Variants in MAD1L1 observed in about 807,000 individuals in gnomAD.
MAD1L1 encodes the protein mitotic arrest deficient 1 like 1.
MAD1L1 carries 95 observed loss-of-function variants against 96.9 expected under a neutral mutation model. That is an observed-to-expected ratio of 0.98 (90% CI 0.83 to 1.16). MAD1L1 has a LOEUF of 1.16. MAD1L1 is among the 50% of genes most tolerant of loss of function. The probability of loss-of-function intolerance (pLI) is 0.00; values close to 1 mark genes in which losing one functional copy is unlikely to be tolerated. For synonymous variants in MAD1L1, 473 were observed against 396.6 expected (o/e 1.19, Z -2.29); for missense variants, 1,007 against 954.4 (o/e 1.06, Z -0.73).
intron 18 of MAD1L1, among the ~76,000 whole-genome samples, chr7:1,844,596 C>T (rs552849892): frequency 3.3e-5 from 5 of 152,104 alleles, no homozygotes; most frequent in South Asian, 2.1e-4. Flanking sequence ...AGGTGCTCCC[C>T]GAGGCTGCCA....
intron 14 of MAD1L1, among the ~76,000 whole-genome samples, chr7:1,990,602 C>A (rs937062567): frequency 1.2e-4 from 18 of 152,260 alleles, no homozygotes; most frequent in Non-Finnish European, 1.5e-5. Flanking sequence ...GCCGAATGTT[C>A]GCCTGATGCA....
At chr7:1,984,336 C>T (rs1270551447) in intron 14 of MAD1L1, among the ~76,000 whole-genome samples, 1 of 152,126 alleles carries the variant, frequency 6.6e-6, no homozygotes, top group Non-Finnish European at 1.5e-5. Flanking sequence ...TCTCTATTAC[C>T]GAATACACAA....
At chr7:2,107,783 A>G (rs555507068) in intron 11 of MAD1L1, 11 of 152,384 alleles carry the variant, frequency 7.2e-5, no homozygotes, top group African/African-American at 2.4e-4. Context: ...TCAAAACATT[A>G]GAGGGTATTT....
chr7:2,000,199 C>T (rs966543169), intron 14 of MAD1L1, among the ~76,000 whole-genome samples: 4 of 152,132 alleles, frequency 2.6e-5, no homozygotes, highest in African/African-American at 4.8e-5. Flanking sequence ...ATGCCGAAGC[C>T]GTCCTTGATT....
chr7:1,877,581 TG>T (rs1374066374), intron 18 of MAD1L1, among the ~76,000 whole-genome samples: 1 of 152,110 alleles, frequency 6.6e-6, no homozygotes, highest in Non-Finnish European at 1.5e-5. Context: ...TAAATATAAA[TG>T]GCATAGATTA....
At chr7:2,101,746 G>T (rs541225671) in intron 11 of MAD1L1, among the ~76,000 whole-genome samples, 1 of 152,238 alleles carries the variant, frequency 6.6e-6, no homozygotes, top group Non-Finnish European at 1.5e-5. Context: ...CCAGACTACC[G>T]GCTCCATGCT....
At chr7:1,908,358 G>A (rs550460393) in intron 17 of MAD1L1, among the ~76,000 whole-genome samples, 11 of 152,284 alleles carry the variant, frequency 7.2e-5, no homozygotes, top group Non-Finnish European at 1.5e-4. Flanking sequence ...AGAATTCCAG[G>A]CTGTATACAC....
chr7:2,145,862 G>A (rs767072086), intron 11 of MAD1L1, among the ~76,000 whole-genome samples: 23 of 152,338 alleles, frequency 1.5e-4, no homozygotes, highest in Non-Finnish European at 2.6e-4. Context: ...CTCCGCAGAG[G>A]AGCCCGACCC....
Position 2,001,962 on chromosome 7 carries a change from A to G in MAD1L1, c.1416+103T>C, listed in dbSNP as rs1781816626. ...GCTTCCGACGACAGAAGAGGCAGCC[A>G]TGCACTGGCGCCTGCAGCCTAAAGG... On this transcript the variant is annotated intron_variant, in intron 14 of 18. Coordinates refer to ENST00000265854, the MANE Select transcript of MAD1L1 (RefSeq NM_001013836.2). 9 of 1,212,560 alleles carry G rather than the reference A, an allele frequency of 7.4e-6. No individual in the cohort carries two copies. In the South Asian group the frequency reaches 1.1e-4, roughly 15 times the overall value. 75.1% of individuals were successfully genotyped at this position (1,212,560 alleles called of 1,614,324 possible).
chr7:1,973,375 G>C (rs1780488063), intron 15 of MAD1L1, among the ~76,000 whole-genome samples: 1 of 152,158 alleles, frequency 6.6e-6, no homozygotes, highest in African/African-American at 2.4e-5. Flanking sequence ...CACCATCCTG[G>C]TACACGCGGA....
intron 17 of MAD1L1, among the ~76,000 whole-genome samples, chr7:1,919,755 AGAGCTGG>A (rs891078412): frequency 1.3e-5 from 2 of 152,258 alleles, no homozygotes; most frequent in African/African-American, 4.8e-5. Flanking sequence ...CTGCTGGTGC[AGAGCTGG>A]GACCATGGCC....
chr7:1,921,852 C>A (rs144924013), intron 17 of MAD1L1, among the ~76,000 whole-genome samples: 9 of 152,254 alleles, frequency 5.9e-5, no homozygotes, highest in Non-Finnish European at 8.8e-5. Flanking sequence ...TAGATCTCGA[C>A]CTCATACCAT....
intron 12 of MAD1L1, among the ~76,000 whole-genome samples, chr7:2,066,395 G>A (rs909749629): frequency 6.6e-6 from 1 of 152,232 alleles, no homozygotes; most frequent in Non-Finnish European, 1.5e-5. Flanking sequence ...CTGGCTGGAC[G>A]GATCCTGCAT....
intron 16 of MAD1L1, among the ~76,000 whole-genome samples, chr7:1,937,310 C>A (rs1778667107): frequency 6.6e-6 from 1 of 152,180 alleles, no homozygotes; most frequent in Non-Finnish European, 1.5e-5. Context: ...CTCTTCCCTA[C>A]CAGCCTGGAA....
At chr7:1,917,668 G>A (rs544388033) in intron 17 of MAD1L1, among the ~76,000 whole-genome samples, 26 of 152,366 alleles carry the variant, frequency 1.7e-4, no homozygotes, top group African/African-American at 6.0e-4. Context: ...CGCGGCGACG[G>A]AGCTGCTTGC....
chr7:2,230,179 C>G (rs1460824777), intron 2 of MAD1L1, 36 bp from the exon 3 acceptor site: 5 of 1,544,942 alleles, frequency 3.2e-6, no homozygotes, highest in East Asian at 4.8e-5. Context: ...TCAGGGGCAG[C>G]CTTTCCACGT....
chr7:1,915,719 A>C (rs1257679963), intron 17 of MAD1L1, among the ~76,000 whole-genome samples: 1 of 152,222 alleles, frequency 6.6e-6, no homozygotes, highest in Non-Finnish European at 1.5e-5. Flanking sequence ...GGGAAAGAAA[A>C]GTCTTTTCCG....
intron 12 of MAD1L1, among the ~76,000 whole-genome samples, chr7:2,017,944 C>A (rs1038913935): frequency 3.3e-5 from 5 of 152,076 alleles, no homozygotes; most frequent in African/African-American, 1.2e-4. Context: ...CAGGGGAGAT[C>A]AGAGCAGCGA....
chr7:2,017,943 T>A (rs942084050), intron 12 of MAD1L1, among the ~76,000 whole-genome samples: 5 of 150,932 alleles, frequency 3.3e-5, no homozygotes, highest in African/African-American at 1.2e-4. Flanking sequence ...GCAGGGGAGA[T>A]CAGAGCAGCG....
Sources: allele counts gnomAD v4.1 joint callset (sites outside exome capture counted in the v4.1 genomes callset), GRCh38; gene constraint gnomAD v4.1.1; transcripts MANE v1.5; gene names NCBI Gene and HGNC (gene_info 2026-07-23, HGNC 2026-07-21).